Variants in PSEN2 observed in about 807,000 individuals in gnomAD.
The protein encoded by PSEN2 is presenilin 2.
Under a neutral mutation model 49.1 loss-of-function variants are expected in PSEN2, and 32 were observed. The observed-to-expected ratio is 0.65, with a 90% confidence interval of 0.49 to 0.88. The LOEUF (loss-of-function observed/expected upper bound fraction) is 0.88, where lower values mean the gene tolerates loss of function less well. Among genes scored for constraint, PSEN2 ranks in the 40% least tolerant of loss-of-function variants. The pLI is 0.00. For missense variants in PSEN2, 522 were observed against 586.9 expected (o/e 0.89, Z 1.14); for synonymous variants, 255 against 244.0 (o/e 1.05, Z -0.42).
chr1:226,900,382 A>G (rs1195896953), downstream of PSEN2, among the ~76,000 whole-genome samples: 2 of 152,066 alleles, frequency 1.3e-5, no homozygotes, highest in African/African-American at 2.4e-5. Context: ...TCTGTGGACA[A>G]TTTTCATGCC....
At chr1:226,888,753 GACTGAATGGTGGTAA>G in intron 7 of PSEN2, 61 bp from the exon 8 acceptor site, 1 of 1,287,784 alleles carries the variant, frequency 7.8e-7, no homozygotes, top group Non-Finnish European at 1.1e-6. Context: ...GCCAGGTTGG[GACTGAATGGTGGTAA>G]ACTGCTAGGC....
chr1:226,894,330 G>T (rs1661973490), intron 12 of PSEN2, among the ~76,000 whole-genome samples: 1 of 152,242 alleles, frequency 6.6e-6, no homozygotes, highest in Non-Finnish European at 1.5e-5. Flanking sequence ...GCTCCAGCCT[G>T]TGGAGGACAG....
At position 226,882,832 on chromosome 1, in the gene PSEN2, C is replaced by T. The variant is rs144159827; in HGVS notation, c.141+784C>T. Among the ~76,000 whole-genome samples, 362 of 152,260 alleles carry T rather than the reference C, an allele frequency of 2.4e-3. 1 individual carries two copies. Among genetic ancestry groups the T allele is most frequent in the African/African-American group, 8.0e-3 (334 of 41,542 alleles). ...TCAGCCTTTTCTTGTTTGTTATCTC[C>T]GGGAAGTTTTGTACACTTTGGTTGT... is the stretch of plus-strand genomic sequence containing the variant. On this transcript the variant is annotated intron_variant, in intron 4 of 12. Coordinates refer to ENST00000366783, the MANE Select transcript of PSEN2 (RefSeq NM_000447.3).
chr1:226,875,051 C>T (rs1422164171), intron 2 of PSEN2, among the ~76,000 whole-genome samples: 6 of 152,132 alleles, frequency 3.9e-5, no homozygotes, highest in African/African-American at 9.7e-5. Context: ...CTGAGTGGGA[C>T]AGGGCTGTTA....
intron 12 of PSEN2, among the ~76,000 whole-genome samples, chr1:226,902,471 C>A (rs1201351806): frequency 6.6e-6 from 1 of 152,080 alleles, no homozygotes; most frequent in East Asian, 1.9e-4. Context: ...GGGAAGACCT[C>A]CCCTTGCTCC....
intron 5 of PSEN2, among the ~76,000 whole-genome samples, chr1:226,885,151 G>C (rs1661272744): frequency 6.6e-6 from 1 of 152,014 alleles, no homozygotes; most frequent in Non-Finnish European, 1.5e-5. Context: ...GTAGTAGCAG[G>C]TGGAGGAGTG....
At chr1:226,879,289 C>T (rs559263302) in intron 3 of PSEN2, among the ~76,000 whole-genome samples, 4 of 152,296 alleles carry the variant, frequency 2.6e-5, no homozygotes, top group Admixed American at 2.6e-4. Flanking sequence ...AAGCTGTGCT[C>T]TATTTGTATG....
intron 6 of PSEN2, 59 bp from the exon 7 acceptor site, chr1:226,888,032 G>C (rs1023830249): frequency 1.5e-6 from 2 of 1,367,156 alleles, no homozygotes; most frequent in Non-Finnish European, 2.1e-6. Flanking sequence ...GGATCCTGGG[G>C]GCCTTAGAAT....
At chr1:226,879,596 A>G (rs2102661389) in intron 3 of PSEN2, among the ~76,000 whole-genome samples, 1 of 152,050 alleles carries the variant, frequency 6.6e-6, no homozygotes, top group Admixed American at 6.5e-5. Flanking sequence ...TATGTTCCCA[A>G]CTCATATGTT....
intron 6 of PSEN2, 90 bp from the exon 7 acceptor site, chr1:226,888,001 C>A: frequency 9.3e-7 from 1 of 1,069,566 alleles, no homozygotes; most frequent in Non-Finnish European, 1.5e-6. Context: ...GAAGAGCATT[C>A]AGGCTTGGGT....
chr1:226,894,348 G>A (rs890258373), intron 12 of PSEN2, among the ~76,000 whole-genome samples: 3 of 152,234 alleles, frequency 2.0e-5, no homozygotes, highest in African/African-American at 7.2e-5. Flanking sequence ...CAGTGCAGGG[G>A]AGGGTGAGGA....
Position 226,890,212 on chromosome 1 carries a change from C to T in PSEN2, c.886+79C>T, listed in dbSNP as rs996419568. ...GGGGGACAGGGGCCTGCTTCCTGGC[C>T]GTGGCTTTCAGAGTTGACTGGGCGA... On this transcript the variant is annotated intron_variant, in intron 9 of 12. Coordinates refer to ENST00000366783, the MANE Select transcript of PSEN2 (RefSeq NM_000447.3). The T allele has an allele frequency of 6.6e-5, 83 of 1,262,650 alleles. 3 individuals are homozygous for T. The highest frequency in any genetic ancestry group is 1.8e-4 in the South Asian group (15 of 83,678). The allele number at this position is 1,262,650 out of a possible 1,614,324, so 78.2% of individuals were successfully genotyped here. A position where few individuals can be genotyped will look rare whatever the true frequency, so the allele number is the denominator to read the frequency against.
In PSEN2 at chr1:226,889,061, G is replaced by A. The variant is rs1247982551; in HGVS notation, c.787+12G>A. On this transcript the variant is annotated intron_variant, in intron 8 of 12. Coordinates refer to ENST00000366783, the MANE Select transcript of PSEN2 (RefSeq NM_000447.3). ...CATCTCTGTGTATGGTAGGTGGGCAGCAAGGCTGGTGGGGGCAGTGGGGGC... is the reference window on the plus strand; with the variant it reads ...CATCTCTGTGTATGGTAGGTGGGCAACAAGGCTGGTGGGGGCAGTGGGGGC... 1 of 1,610,308 alleles carries A rather than the reference G, an allele frequency of 6.2e-7. No homozygotes were observed. The highest frequency in any genetic ancestry group is 1.7e-5 in the Admixed American group (1 of 59,822).
At chr1:226,893,767 G>T (rs1661914541) in intron 11 of PSEN2, among the ~76,000 whole-genome samples, 1 of 152,154 alleles carries the variant, frequency 6.6e-6, no homozygotes, top group African/African-American at 2.4e-5. Flanking sequence ...TTTCAGAACT[G>T]CCCGCTTTTC....
intron 10 of PSEN2, 150 bp from the exon 11 acceptor site, chr1:226,891,593 G>A (rs1322949205): frequency 8.7e-6 from 7 of 809,096 alleles, no homozygotes; most frequent in South Asian, 1.5e-5. Flanking sequence ...TGGGTGGAGT[G>A]GGGGAAGCCC....
chr1:226,891,922 TG>T (rs1258454213), intron 11 of PSEN2, 78 bp downstream of exon 11: 3 of 1,348,456 alleles, frequency 2.2e-6, no homozygotes, highest in Admixed American at 3.4e-5. Flanking sequence ...CCCTGCAGCC[TG>T]GGTGGAGGAG....
At chr1:226,883,508 T>C (rs1330952538) in intron 4 of PSEN2, among the ~76,000 whole-genome samples, 197 bp from the exon 5 acceptor site, 1 of 152,252 alleles carries the variant, frequency 6.6e-6, no homozygotes, top group Non-Finnish European at 1.5e-5. Flanking sequence ...CCTTCATTTA[T>C]GGTGCTTCAT....
rs1427287442 is a variant in PSEN2, at chr1:226,892,667, C to T, written c.1072+823C>T. Among the ~76,000 whole-genome samples, 5 of 152,038 alleles carry T rather than the reference C, an allele frequency of 3.3e-5. No individual in the cohort carries two copies. The South Asian group carries it at 8.3e-4, about 25-fold the overall frequency. Reference sequence around the variant, plus strand: ...GTGGGTCTGGAAGGAGGAGCAGGTGCGCACCCTCCAGGCAGGCTTGGGGGA... The same window carrying T: ...GTGGGTCTGGAAGGAGGAGCAGGTGTGCACCCTCCAGGCAGGCTTGGGGGA... On this transcript the variant is annotated intron_variant, in intron 11 of 12. Transcript: ENST00000366783.
chr1:226,894,004 CA>C lies in PSEN2; in HGVS notation c.1073-2del. The stretch of plus-strand genomic sequence containing the variant: ...GTACGGGTTACTGTCTCTCCTCACA[CA>C]GGGGGCGTGAAGCTTGGCCTCGGGG... On this transcript the variant is annotated splice_acceptor_variant, in intron 11 of 12. Transcript: ENST00000366783. LOFTEE classifies it high-confidence loss of function. 1.2e-6 allele frequency: 2 copies of C among 1,611,904 alleles called. No individual in the cohort carries two copies. The highest frequency in any genetic ancestry group is 8.5e-7 in the Non-Finnish European group (1 of 1,177,908).
Sources: allele counts gnomAD v4.1 joint callset (sites outside exome capture counted in the v4.1 genomes callset), GRCh38; gene constraint gnomAD v4.1.1; transcripts MANE v1.5; gene names NCBI Gene and HGNC (gene_info 2026-07-23, HGNC 2026-07-21).